Variants in ERC2 observed in about 807,000 individuals in gnomAD.
The protein encoded by ERC2 is ELKS/RAB6-interacting/CAST family member 2, also known as ERC protein 2.
ERC2 carries 42 observed loss-of-function variants against 114.8 expected under a neutral mutation model. The observed-to-expected ratio is 0.37, with a 90% confidence interval of 0.29 to 0.47. The LOEUF is 0.47. ERC2 is among the 20% of genes least tolerant of loss of function. The pLI, the probability that ERC2 is intolerant of heterozygous loss-of-function variation, is 0.99. For synonymous variants in ERC2, 454 were observed against 425.5 expected (o/e 1.07, Z -0.82); for missense variants, 939 against 1,150.7 (o/e 0.82, Z 2.66).
intron 2 of ERC2, among the ~76,000 whole-genome samples, chr3:56,338,157 G>A (rs1576489447): frequency 1.3e-5 from 2 of 152,332 alleles, no homozygotes; most frequent in Admixed American, 1.3e-4. Context: ...TTAGCTTTGA[G>A]GGGAGGTAGG....
intron 17 of ERC2, among the ~76,000 whole-genome samples, chr3:55,610,075 A>AC (rs571628933): frequency 1.3e-5 from 2 of 151,696 alleles, no homozygotes; most frequent in Non-Finnish European, 1.5e-5. Flanking sequence ...AAAAAAAAAA[A>AC]AAAAAAAAAC....
chr3:55,839,395 A>C (rs578054212), intron 14 of ERC2, among the ~76,000 whole-genome samples: 40 of 152,006 alleles, frequency 2.6e-4, no homozygotes, highest in African/African-American at 9.6e-4. Context: ...AAAAGGAATA[A>C]AGAGCACCAA....
Position 55,733,536 on chromosome 3 carries a change from TCTCTCTCACACACACA to T in ERC2, c.2712+1219_2712+1234del, listed in dbSNP as rs1222299178. 5.5e-3 allele frequency among the ~76,000 whole-genome samples: 375 copies of T among 68,636 alleles called. 8 individuals are homozygous for T. The highest frequency in any genetic ancestry group is 0.018 in the African/African-American group (334 of 18,316). The allele number at this position is 68,636 out of a possible 152,430, so 45.0% of individuals were successfully genotyped here. ...TTCTCTCTGTCTCTCATTCTTTCTCTCTCTCTCACACACACACACACACACACACACACACACACAC... is the reference window on the plus strand; with the variant it reads ...TTCTCTCTGTCTCTCATTCTTTCTCTCACACACACACACACACACACACAC... On this transcript the variant is annotated intron_variant, in intron 15 of 17. Transcript: ENST00000288221.
chr3:55,787,546 T>C (rs1185036492), intron 14 of ERC2, among the ~76,000 whole-genome samples: 1 of 152,226 alleles, frequency 6.6e-6, no homozygotes, highest in Non-Finnish European at 1.5e-5. Flanking sequence ...TTATTTCTTA[T>C]ATGGCAGGAT....
chr3:55,794,424 A>T (rs1188617488), intron 14 of ERC2, among the ~76,000 whole-genome samples: 1 of 151,904 alleles, frequency 6.6e-6, no homozygotes, highest in African/African-American at 2.4e-5. Flanking sequence ...CATGGCTTTT[A>T]TTTTCCATTT....
intron 7 of ERC2, among the ~76,000 whole-genome samples, chr3:56,065,959 T>G (rs2076461282): frequency 6.6e-6 from 1 of 152,230 alleles, no homozygotes; most frequent in Admixed American, 6.5e-5. Context: ...TGACAGGCAT[T>G]TGGGTTGATT....
intron 7 of ERC2, among the ~76,000 whole-genome samples, chr3:56,037,584 A>G (rs1342832508): frequency 6.6e-6 from 1 of 152,216 alleles, no homozygotes; most frequent in Non-Finnish European, 1.5e-5. Flanking sequence ...TGATTGGGGT[A>G]CCTGAAAGAG....
At chr3:55,870,557 G>C (rs2062535442) in intron 14 of ERC2, among the ~76,000 whole-genome samples, 1 of 152,134 alleles carries the variant, frequency 6.6e-6, no homozygotes, top group Non-Finnish European at 1.5e-5. Context: ...TACACACTTG[G>C]CCAAGGTCAC....
At position 55,570,843 on chromosome 3, in the gene ERC2, G is replaced by A. The variant is rs545221465; in HGVS notation, c.*40-59567C>T. On this transcript the variant is annotated intron_variant, in intron 17 of 17. Coordinates refer to ENST00000288221, the MANE Select transcript of ERC2 (RefSeq NM_015576.3). The stretch of plus-strand genomic sequence containing the variant: ...TTTTGACCAGCATTAATAATGAGAA[G>A]TGGGCCGGGCGCAGTGGCTCACGCC... Among the ~76,000 whole-genome samples the A allele has an allele frequency of 2.6e-3, 397 of 152,230 alleles. 2 individuals are homozygous for A. Among genetic ancestry groups the A allele is most frequent in the Non-Finnish European group, 3.4e-3 (230 of 68,020 alleles).
chr3:55,583,542 TTTCTTCCTTCCTTC>T (rs2057422079), intron 17 of ERC2, among the ~76,000 whole-genome samples: 1 of 39,278 alleles, frequency 2.5e-5, no homozygotes. Context: ...CCTTCCTTCC[TTTCTTCCTTCCTTC>T]CTTCCTTCCT....
At chr3:55,898,368 C>T (rs2063943636) in intron 13 of ERC2, among the ~76,000 whole-genome samples, 1 of 152,102 alleles carries the variant, frequency 6.6e-6, no homozygotes, top group African/African-American at 2.4e-5. Flanking sequence ...GGCCTTCTCT[C>T]TAACAGCCTG....
Position 55,679,409 on chromosome 3 carries a change from G to A in ERC2, c.*39+4385C>T, listed in dbSNP as rs567362355. 6.0e-4 allele frequency among the ~76,000 whole-genome samples: 92 copies of A among 152,302 alleles called. 3 individuals carry two copies. The South Asian group carries it at 0.018, about 31-fold the overall frequency. On this transcript the variant is annotated intron_variant, in intron 17 of 17. Transcript: ENST00000288221. ...ATCCTTCCTTAAGTAGGTTCCTCAA[G>A]TTAATCTCAGTATCTTTCTGGTTTC...
chr3:55,765,617 A>G (rs528852145), intron 14 of ERC2, among the ~76,000 whole-genome samples: 1 of 152,322 alleles, frequency 6.6e-6, no homozygotes, highest in East Asian at 1.9e-4. Context: ...TGCTTCAGAG[A>G]GTTGAGTGGG....
chr3:55,742,870 C>A (rs767443617), intron 14 of ERC2, among the ~76,000 whole-genome samples: 2 of 152,208 alleles, frequency 1.3e-5, no homozygotes, highest in Non-Finnish European at 2.9e-5. Context: ...TTAATATCAA[C>A]CCTACCCACC....
intron 12 of ERC2, among the ~76,000 whole-genome samples, chr3:55,969,392 T>C (rs1024470063): frequency 1.1e-4 from 16 of 140,686 alleles, no homozygotes; most frequent in African/African-American, 2.1e-4. Context: ...TTTATACACA[T>C]ACACACACAC....
At chr3:56,159,647 T>C (rs1480476190) in intron 4 of ERC2, among the ~76,000 whole-genome samples, 2 of 152,148 alleles carry the variant, frequency 1.3e-5, no homozygotes, top group African/African-American at 4.8e-5. Flanking sequence ...TATTCAACCT[T>C]TGTCCCCTTG....
chr3:55,709,615 C>T (rs2063667942), intron 15 of ERC2, among the ~76,000 whole-genome samples: 1 of 152,194 alleles, frequency 6.6e-6, no homozygotes, highest in Non-Finnish European at 1.5e-5. Flanking sequence ...AGGGCTTTGA[C>T]CTTCGCGCAG....
chr3:55,683,856 C>G lies in ERC2; in HGVS notation c.2851G>C (p.Asp951His). The change falls in exon 17 of 18, where the codon GAC becomes CAC. Residue 951 changes from aspartate to histidine, a missense_variant. This residue lies in a region of ERC2 where 328 missense variants were observed against 353.9 expected (regional missense o/e 0.93). Transcript: ENST00000288221. ...GGCTATGCCCATATGCCCTCCTCGTCATCCTGCGGCCGGCCCGAGGTGGGG... is the reference window on the plus strand; with the variant it reads ...GGCTATGCCCATATGCCCTCCTCGTGATCCTGCGGCCGGCCCGAGGTGGGG... ...SNHRPSPDQD[D>H]EEGIWA 1.2e-6 allele frequency: 2 copies of G among 1,612,472 alleles called. No individual in the cohort carries two copies. Among genetic ancestry groups the G allele is most frequent in the Non-Finnish European group, 1.7e-6 (2 of 1,179,300 alleles).
In ERC2 at chr3:56,080,887, G is replaced by A; in HGVS notation, c.1571C>T (p.Ala524Val). Reference sequence around the variant, plus strand: ...ATCTTTCATGTCACGAATTTCACCGGCCAGTGTCCCCTTCTCTTCTGTGAG... The same window carrying A: ...ATCTTTCATGTCACGAATTTCACCGACCAGTGTCCCCTTCTCTTCTGTGAG... ...QDLTEEKGTL[A>V]GEIRDMKDML... The change falls in exon 7 of 18, where the codon GCC becomes GTC. Residue 524 changes from alanine (A) to valine (V), a missense_variant. Physicochemically the swap from Ala to Val is moderately conservative, Grantham distance 64. Transcript: ENST00000288221. The A allele has an allele frequency of 5.6e-6, 9 of 1,613,628 alleles. No homozygotes were observed. The highest frequency in any genetic ancestry group is 7.6e-6 in the Non-Finnish European group (9 of 1,179,712).
Sources: gnomAD v4.1 joint callset for allele counts (sites outside exome capture counted in the v4.1 genomes callset) on GRCh38, gnomAD v4.1.1 for gene constraint, gnomAD v4.1.1 regional missense constraint, MANE v1.5 for transcripts, NCBI Gene and HGNC (gene_info 2026-07-23, HGNC 2026-07-21) for gene names.